BTRC: variants seen among roughly 807,000 people sequenced by gnomAD.
BTRC encodes the protein beta-transducin repeat containing E3 ubiquitin protein ligase.
Under a neutral mutation model 85.5 loss-of-function variants are expected in BTRC, and 42 were observed. That is an observed-to-expected ratio of 0.49 (90% confidence interval 0.38 to 0.64). The LOEUF is 0.64. BTRC is among the 30% of genes least tolerant of loss of function. The pLI, the probability that BTRC is intolerant of heterozygous loss-of-function variation, is 0.00. For synonymous variants in BTRC, 255 were observed against 263.3 expected (o/e 0.97, Z 0.30); for missense variants, 594 against 743.5 (o/e 0.80, Z 2.34).
chr10:101,366,369 G>T (rs1390694861), intron 1 of BTRC, among the ~76,000 whole-genome samples: 1 of 152,056 alleles, frequency 6.6e-6, no homozygotes, highest in African/African-American at 2.4e-5. Context: ...AACTTCTCTA[G>T]AGCTTCACAA....
intron 5 of BTRC, among the ~76,000 whole-genome samples, chr10:101,523,096 T>C (rs2062142844): frequency 6.6e-6 from 1 of 151,966 alleles, no homozygotes; most frequent in Admixed American, 6.6e-5. Context: ...CTCAGCTACT[T>C]GGGAGACTGG....
At chr10:101,371,243 G>T (rs1298463263) in intron 1 of BTRC, among the ~76,000 whole-genome samples, 2 of 151,614 alleles carry the variant, frequency 1.3e-5, no homozygotes, top group Non-Finnish European at 2.9e-5. Context: ...GGAGTGCAAT[G>T]AATGGCACCA....
In BTRC at chr10:101,522,382, A is replaced by C. The variant is rs1190130339; in HGVS notation, c.556+512A>C. Among the ~76,000 whole-genome samples, 272 of 137,298 alleles carry C rather than the reference A, an allele frequency of 2.0e-3. 6 individuals are homozygous for C. The highest frequency in any genetic ancestry group is 6.7e-3 in the African/African-American group (256 of 38,308). The allele number at this position is 137,298 out of a possible 152,430, so 90.1% of individuals were successfully genotyped here. ...AAAAAAAAAACAAAAAAAAACAAAA[A>C]AAAAAAAACTCTAGAAATAAAGACT... On this transcript the variant is annotated intron_variant, in intron 5 of 14. Coordinates refer to ENST00000370187, the MANE Select transcript of BTRC (RefSeq NM_033637.4).
rs1274916758 is a variant in BTRC at position 101,557,042 on chromosome 10, C to T, written c.*3919C>T. On this transcript the variant is annotated 3_prime_UTR_variant, in exon 15 of 15. Transcript: ENST00000370187. ...TCAAAGCGGTGACCACTCAGGCCAGCCCAGACAAATCTGAGGGATGGCCAG... is the reference window on the plus strand; with the variant it reads ...TCAAAGCGGTGACCACTCAGGCCAGTCCAGACAAATCTGAGGGATGGCCAG... 2 of 152,192 alleles carry T rather than the reference C, an allele frequency of 1.3e-5. No homozygotes were observed. Among genetic ancestry groups the T allele is most frequent in the East Asian group, 3.8e-4 (2 of 5,200 alleles). The allele number at this position is 152,192 out of a possible 1,614,324, so 9.4% of individuals were successfully genotyped here.
At chr10:101,425,482 T>C (rs1399613257) in intron 1 of BTRC, among the ~76,000 whole-genome samples, 1 of 152,152 alleles carries the variant, frequency 6.6e-6, no homozygotes, top group Non-Finnish European at 1.5e-5. Context: ...TGGATTTGTG[T>C]AGGATGCAGT....
At chr10:101,462,170 T>TCC in intron 3 of BTRC, 112 bp downstream of exon 3, 1 of 813,586 alleles carries the variant, frequency 1.2e-6, no homozygotes, top group Non-Finnish European at 2.0e-6. Context: ...TTAAGAGTAC[T>TCC]CGGACGTTGG....
At chr10:101,383,593 A>G (rs1482819598) in intron 1 of BTRC, among the ~76,000 whole-genome samples, 1 of 152,008 alleles carries the variant, frequency 6.6e-6, no homozygotes, top group Non-Finnish European at 1.5e-5. Flanking sequence ...TTGAATGCCT[A>G]GGCCTAGGGA....
intron 4 of BTRC, among the ~76,000 whole-genome samples, chr10:101,499,188 A>G (rs540695970): frequency 6.6e-6 from 1 of 152,136 alleles, no homozygotes; most frequent in Non-Finnish European, 1.5e-5. Flanking sequence ...AGGTCTATAT[A>G]GCTTGTACAT....
chr10:101,384,299 A>C (rs951964469), intron 1 of BTRC, among the ~76,000 whole-genome samples: 82 of 152,220 alleles, frequency 5.4e-4, no homozygotes, highest in African/African-American at 2.0e-3. Context: ...CATCAGAGAG[A>C]AGAGGATGAC....
intron 1 of BTRC, among the ~76,000 whole-genome samples, chr10:101,413,217 C>A (rs1340364939): frequency 6.6e-6 from 1 of 151,452 alleles, no homozygotes; most frequent in African/African-American, 2.4e-5. Context: ...CTCTGCCTCT[C>A]ACTGCAACCT....
chr10:101,435,555 CATTAT>C (rs1944506252), intron 2 of BTRC, among the ~76,000 whole-genome samples: 1 of 152,068 alleles, frequency 6.6e-6, no homozygotes, highest in Non-Finnish European at 1.5e-5. Flanking sequence ...AAATATATTT[CATTAT>C]ATTAGTACAC....
intron 1 of BTRC, among the ~76,000 whole-genome samples, chr10:101,365,266 T>C (rs1373809804): frequency 6.6e-6 from 1 of 150,586 alleles, no homozygotes; most frequent in Non-Finnish European, 1.5e-5. Flanking sequence ...AGAGATGGGG[T>C]TTCTCCATGT....
intron 1 of BTRC, among the ~76,000 whole-genome samples, chr10:101,369,049 C>T (rs1343980693): frequency 1.3e-5 from 2 of 151,934 alleles, no homozygotes; most frequent in Non-Finnish European, 2.9e-5. Context: ...TCGTCTTTTT[C>T]GTTGTTGCCA....
chr10:101,366,903 T>A, intron 1 of BTRC, among the ~76,000 whole-genome samples: 1 of 40,184 alleles, frequency 2.5e-5, no homozygotes, highest in African/African-American at 1.1e-4. Context: ...TATATTTATA[T>A]ATATTAATAT....
At chr10:101,505,792 A>C (rs1946524976) in intron 4 of BTRC, among the ~76,000 whole-genome samples, 1 of 152,158 alleles carries the variant, frequency 6.6e-6, no homozygotes, top group African/African-American at 2.4e-5. Context: ...TTAGAAAATG[A>C]ATTAAACATT....
intron 2 of BTRC, among the ~76,000 whole-genome samples, chr10:101,446,978 G>A (rs1480020149): frequency 6.8e-6 from 1 of 147,298 alleles, no homozygotes; most frequent in Non-Finnish European, 1.5e-5. Flanking sequence ...CAGAGTCTGG[G>A]GCATGAATAC....
chr10:101,418,655 T>C (rs190590615), intron 1 of BTRC, among the ~76,000 whole-genome samples: 4 of 152,164 alleles, frequency 2.6e-5, no homozygotes, highest in Admixed American at 2.6e-4. Flanking sequence ...TGTTTATATT[T>C]TTTCTCCCTG....
chr10:101,514,463 AT>A (rs34631596), intron 4 of BTRC, among the ~76,000 whole-genome samples: 54,110 of 146,954 alleles, frequency 0.37, 10,733 homozygotes, highest in Middle Eastern at 0.49. Flanking sequence ...TCCCTATTTA[AT>A]TTTTTTTTTT....
rs1167072136 is a variant in BTRC at position 101,555,974 on chromosome 10, A to C, written c.*2851A>C. On this transcript the variant is annotated 3_prime_UTR_variant, in exon 15 of 15. Transcript: ENST00000370187. ...CACGTGTGTGTATTTCACTGCTGAGAACATCCTTTAACTTGGTGTGCAATT... is the reference window on the plus strand; with the variant it reads ...CACGTGTGTGTATTTCACTGCTGAGCACATCCTTTAACTTGGTGTGCAATT... The C allele has an allele frequency of 6.6e-6, 1 of 152,178 alleles. No homozygotes were observed. The highest frequency in any genetic ancestry group is 1.5e-5 in the Non-Finnish European group (1 of 68,028). The allele number at this position is 152,178 out of a possible 1,614,324, so 9.4% of individuals were successfully genotyped here.
Sources: allele counts gnomAD v4.1 joint callset (sites outside exome capture counted in the v4.1 genomes callset), GRCh38; gene constraint gnomAD v4.1.1; transcripts MANE v1.5; gene names NCBI Gene and HGNC (gene_info 2026-07-23, HGNC 2026-07-21).